The following SSBP4 variants were observed in gnomAD, a reference collection of about 807,000 sequenced individuals.
SSBP4 encodes the protein single-stranded DNA-binding protein 4.
In SSBP4, 33 loss-of-function variants were observed where a neutral mutation model predicts 64.6. The observed-to-expected ratio is 0.51, with a 90% CI of 0.39 to 0.68. The LOEUF (loss-of-function observed/expected upper bound fraction) is 0.68. Among genes scored for constraint, SSBP4 ranks in the 30% least tolerant of loss-of-function variants. The pLI is 0.00. For synonymous variants in SSBP4, 243 were observed against 224.0 expected, an observed-to-expected ratio of 1.08 and a Z score of -0.76; for missense variants, 583 against 566.8, an observed-to-expected ratio of 1.03 and a Z score of -0.29.
chr19:18,431,572 C>CAGCA, intron 6 of SSBP4, 75 bp from the exon 7 acceptor site: 1 of 1,500,056 alleles, frequency 6.7e-7, no homozygotes, highest in African/African-American at 1.4e-5. Context: ...TCGGGGGCCC[C>CAGCA]AGCATAGCAG....
the SSBP4 span, among the ~76,000 whole-genome samples, chr19:18,404,492 G>A: frequency 6.6e-6 from 1 of 151,824 alleles, no homozygotes; most frequent in East Asian, 1.9e-4. Flanking sequence ...TACTCGGGAG[G>A]CTGAGGCAGG....
chr19:18,434,180 C>T, intron 17 of SSBP4, 37 bp from the exon 18 acceptor site: 1 of 1,609,662 alleles, frequency 6.2e-7, no homozygotes, highest in Non-Finnish European at 8.5e-7. Context: ...CGGAGCTGAA[C>T]TCGGCCCCTG....
chr19:18,432,488 G>T (rs1233641010), intron 10 of SSBP4, 71 bp from the exon 11 acceptor site: 6 of 1,509,926 alleles, frequency 4.0e-6, no homozygotes, highest in East Asian at 4.6e-5. Context: ...AGCAGGGTGT[G>T]GGGGGTGTGT....
In SSBP4 at chr19:18,427,451, C is replaced by T. The variant is rs1168585266; in HGVS notation, c.132+28C>T. Reference sequence around the variant, plus strand: ...AAGCCACCACCTCCAGGCTGGCCCTCCCTCCTCACCCACACTCCGGGGGTC... The same window carrying T: ...AAGCCACCACCTCCAGGCTGGCCCTTCCTCCTCACCCACACTCCGGGGGTC... On this transcript the variant is annotated intron_variant, in intron 2 of 17. Transcript: ENST00000270061. This position sits in a 1 kb window ranked among gnomAD's most constrained non-coding sequence, Gnocchi z 4.4. 1 of 1,604,650 alleles carries T rather than the reference C, an allele frequency of 6.2e-7. No homozygotes were observed.
chr19:18,417,437 A>C (rs75581575), upstream of SSBP4, among the ~76,000 whole-genome samples: 18,131 of 152,154 alleles, frequency 0.12, 1,104 homozygotes, highest in South Asian at 0.18. The surrounding 1 kb of genome is among the most constrained non-coding windows in gnomAD (Gnocchi z 5.4). Flanking sequence ...CAGGAGGGGC[A>C]TCTGCCGGGC....
At chr19:18,415,685 G>A (rs1427764530), upstream of SSBP4, among the ~76,000 whole-genome samples, 2 of 152,190 alleles carry the variant, frequency 1.3e-5, no homozygotes, top group African/African-American at 4.8e-5. Flanking sequence ...CAGTAGGCCA[G>A]GCCAGAAGCC....
At chr19:18,421,245 G>A (rs1204620383) in intron 1 of SSBP4, among the ~76,000 whole-genome samples, 2 of 152,272 alleles carry the variant, frequency 1.3e-5, no homozygotes, top group Non-Finnish European at 2.9e-5. Flanking sequence ...TGACTGCACT[G>A]TCAGGCCTCC....
rs148004881 is a variant in SSBP4, at chr19:18,426,592, C to T, written c.60-759C>T. On this transcript the variant is annotated intron_variant, in intron 1 of 17. Transcript: ENST00000270061. The surrounding 1 kb of genome is among the most constrained non-coding windows in gnomAD (Gnocchi z 4.5). Reference sequence around the variant, plus strand: ...CCTCCCCCTGTGACCTGCAGAGGGCCGTGCTGGAGCCACCTGGCTGGGCGA... The same window carrying T: ...CCTCCCCCTGTGACCTGCAGAGGGCTGTGCTGGAGCCACCTGGCTGGGCGA... 2.0e-3 allele frequency among the ~76,000 whole-genome samples: 303 copies of T among 152,146 alleles called. No homozygotes were observed. The highest frequency in any genetic ancestry group is 6.6e-3 in the African/African-American group (274 of 41,516).
At chr19:18,422,017 C>G (rs939531153) in intron 1 of SSBP4, among the ~76,000 whole-genome samples, 1 of 152,084 alleles carries the variant, frequency 6.6e-6, no homozygotes, top group Non-Finnish European at 1.5e-5. Context: ...AAAAATTAGC[C>G]GGGCATGGTG....
Position 18,433,032 on chromosome 19 carries a change from G to A in SSBP4, c.901G>A (p.Gly301Ser). 2 of 1,614,120 alleles carry A rather than the reference G, an allele frequency of 1.2e-6. No individual in the cohort carries two copies. The highest frequency in any genetic ancestry group is 8.5e-7 in the Non-Finnish European group (1 of 1,180,024). Residue 301 changes from glycine to serine, a missense_variant, in exon 14 of 18, where the codon GGC (glycine) becomes AGC (serine). Transcript: ENST00000270061. ...CATGAACCCCATCGGGCAGGGCGCCGGCAGGGCTAATGTGAGTGGGGGCTT... is the reference window on the plus strand; with the variant it reads ...CATGAACCCCATCGGGCAGGGCGCCAGCAGGGCTAATGTGAGTGGGGGCTT... ...TIMNPIGQGA[G>S]RANFPLGPGP...
chr19:18,422,728 G>C (rs1329036162), intron 1 of SSBP4, among the ~76,000 whole-genome samples: 1 of 152,246 alleles, frequency 6.6e-6, no homozygotes, highest in East Asian at 1.9e-4. Flanking sequence ...GGGCAGCCAC[G>C]CGGCTCTCAG....
the SSBP4 span, among the ~76,000 whole-genome samples, chr19:18,410,657 G>A: frequency 1.3e-5 from 2 of 151,898 alleles, no homozygotes; most frequent in Non-Finnish European, 2.9e-5. Flanking sequence ...GCAAGGGCAA[G>A]GTCAAGAGAG....
chr19:18,433,787 G>T lies in SSBP4; in HGVS notation c.1098G>T (p.Gly366=), dbSNP rs1381905403. Residue 366 remains glycine, a synonymous_variant, in exon 17 of 18, where the codon GGG becomes GGT. Coordinates refer to ENST00000270061, the MANE Select transcript of SSBP4 (RefSeq NM_032627.5). Reference sequence around the variant, plus strand: ...ACGACGGCGAGATGGCGGCCGCCGGGACCTTCCTGCACCCGTTCCCGAGCG... The same window carrying T: ...ACGACGGCGAGATGGCGGCCGCCGGTACCTTCCTGCACCCGTTCCCGAGCG... ...PRDDGEMAAA[G]TFLHPFPSES... The T allele has an allele frequency of 1.4e-6, 2 of 1,437,006 alleles. No homozygotes were observed. The highest frequency in any genetic ancestry group is 3.0e-5 in the African/African-American group (2 of 66,330). 89.0% of individuals were successfully genotyped at this position (1,437,006 alleles called of 1,614,324 possible).
the SSBP4 span, among the ~76,000 whole-genome samples, chr19:18,411,480 G>T: frequency 6.6e-6 from 1 of 151,976 alleles, no homozygotes; most frequent in Non-Finnish European, 1.5e-5. Context: ...GGGCAACAGA[G>T]CGAGACTTCG....
chr19:18,431,235 C>T, intron 5 of SSBP4, 118 bp from the exon 6 acceptor site: 1 of 613,878 alleles, frequency 1.6e-6, no homozygotes, highest in Non-Finnish European at 2.9e-6. Context: ...CAAGCCTTCC[C>T]ACAAGGTCCC....
chr19:18,404,764 T>A, the SSBP4 span, among the ~76,000 whole-genome samples: 7 of 145,676 alleles, frequency 4.8e-5, no homozygotes, highest in African/African-American at 7.7e-5. Context: ...TGGTGGTGGG[T>A]GTCTGTAGTC....
At chr19:18,428,113 C>A (rs1326267437) in intron 4 of SSBP4, 131 bp downstream of exon 4, 2 of 1,021,478 alleles carry the variant, frequency 2.0e-6, no homozygotes, top group Non-Finnish European at 2.8e-6. Context: ...GGTTGACAGG[C>A]AGAGCTGCAG....
chr19:18,430,856 C>T lies in SSBP4; in HGVS notation c.295C>T (p.Pro99Ser). The T allele has an allele frequency of 1.2e-6, 2 of 1,613,112 alleles. No homozygotes were observed. Among genetic ancestry groups the T allele is most frequent in the African/African-American group, 1.3e-5 (1 of 75,030 alleles). The change falls in exon 5 of 18, where the codon CCC (proline) becomes TCC (serine). Residue 99 changes from proline to serine, a missense_variant. By Grantham distance (74) the Pro-to-Ser change is moderately conservative. Transcript: ENST00000270061. ...ACCCTTACAGAGTGCTGCAGCCGCCCCCAGCCCCGTTATGGGGAGTATGGC... is the reference window on the plus strand; with the variant it reads ...ACCCTTACAGAGTGCTGCAGCCGCCTCCAGCCCCGTTATGGGGAGTATGGC... Reference protein sequence around the residue: ...AFQDYSAAAAPSPVMGSMAPG... With the variant: ...AFQDYSAAAASSPVMGSMAPG...
upstream of SSBP4, among the ~76,000 whole-genome samples, chr19:18,418,048 A>T (rs1972196193): frequency 6.8e-6 from 1 of 147,882 alleles, no homozygotes; most frequent in Admixed American, 6.7e-5. This position sits in a 1 kb window ranked among gnomAD's most constrained non-coding sequence, Gnocchi z 6.7. Context: ...ACGCGCGGAG[A>T]CACACACGTG....
Sources: allele counts gnomAD v4.1 joint callset (sites outside exome capture counted in the v4.1 genomes callset), GRCh38; gene constraint gnomAD v4.1.1; non-coding constraint Gnocchi (gnomAD v3.1); transcripts MANE v1.5; gene names NCBI Gene and HGNC (gene_info 2026-07-23, HGNC 2026-07-21).